Variants in ASTN2 observed in about 807,000 individuals in gnomAD.
ASTN2 encodes the protein astrotactin 2.
A neutral mutation model predicts 139.8 loss-of-function variants in ASTN2; 54 were observed. The observed-to-expected ratio is 0.39, with a 90% confidence interval of 0.31 to 0.48. ASTN2 has a LOEUF of 0.48. ASTN2 is among the 20% of genes least tolerant of loss of function. ASTN2 has a pLI of 0.95. For missense variants in ASTN2, 1,565 were observed against 1,725.1 expected (o/e 0.91, Z 1.64); for synonymous variants, 756 against 719.5 (o/e 1.05, Z -0.81).
In ASTN2 at chr9:116,481,339, C is replaced by T. The variant is rs577798246; in HGVS notation, c.3497+6020G>A. Among the ~76,000 whole-genome samples the T allele has an allele frequency of 6.6e-5, 10 of 152,268 alleles. No homozygotes were observed. In the East Asian group the frequency reaches 1.7e-3, roughly 27 times the overall value. On this transcript the variant is annotated intron_variant, in intron 20 of 22. Transcript: ENST00000313400. ...AGGCTGCAGTGAGCTGTGATTGCAC[C>T]ACTGCCCTCCAGAACCTCAGTGACA...
intron 16 of ASTN2, among the ~76,000 whole-genome samples, chr9:116,711,894 C>G (rs1828173893): frequency 6.6e-6 from 1 of 152,164 alleles, no homozygotes; most frequent in South Asian, 2.1e-4. Context: ...CCTCCTAACT[C>G]TAATCTAGCA....
intron 13 of ASTN2, among the ~76,000 whole-genome samples, chr9:116,772,525 C>T (rs1829981695): frequency 6.6e-6 from 1 of 152,164 alleles, no homozygotes; most frequent in African/African-American, 2.4e-5. Flanking sequence ...CAGAGTAATA[C>T]TGGTGGTCAG....
chr9:117,231,817 C>G (rs1025009942), intron 2 of ASTN2, among the ~76,000 whole-genome samples: 3 of 151,844 alleles, frequency 2.0e-5, no homozygotes, highest in African/African-American at 7.2e-5. Flanking sequence ...TGTTCAAATC[C>G]CATTTCTCAG....
chr9:116,474,787 G>A (rs533658770), intron 20 of ASTN2, among the ~76,000 whole-genome samples: 1 of 152,190 alleles, frequency 6.6e-6, no homozygotes, highest in African/African-American at 2.4e-5. Flanking sequence ...GAAAAATGAA[G>A]TTCTTTGCCC....
chr9:116,618,423 C>T lies in ASTN2; in HGVS notation c.3256G>A (p.Glu1086Lys). 1 of 1,614,176 alleles carries T rather than the reference C, an allele frequency of 6.2e-7. No individual in the cohort carries two copies. Among genetic ancestry groups the T allele is most frequent in the South Asian group, 1.1e-5 (1 of 91,074 alleles). The change falls in exon 19 of 23, where the codon GAG becomes AAG. Residue 1086 changes from glutamate to lysine, a missense_variant. Physicochemically the swap from Glu to Lys is moderately conservative, Grantham distance 56 (BLOSUM62 1). Transcript: ENST00000313400. Reference sequence around the variant, plus strand: ...ATAGCTGGCTGAACATCCACCCACTCCAAGGAGACCACAGTACTGGAGGGC... The same window carrying T: ...ATAGCTGGCTGAACATCCACCCACTTCAAGGAGACCACAGTACTGGAGGGC... The part of the protein sequence containing the change: ...VEPSSTVVSL[E>K]WVDVQPAIGT...
intron 19 of ASTN2, among the ~76,000 whole-genome samples, chr9:116,571,924 T>C (rs1302107639): frequency 6.6e-6 from 1 of 152,170 alleles, no homozygotes; most frequent in Non-Finnish European, 1.5e-5. Context: ...TTGGTATCTG[T>C]GTGTTGCCTT....
chr9:117,003,033 C>A (rs1837236501), intron 7 of ASTN2, among the ~76,000 whole-genome samples: 1 of 152,086 alleles, frequency 6.6e-6, no homozygotes, highest in Admixed American at 6.5e-5. Context: ...AGACATTTTT[C>A]TTTTTCTGTG....
intron 10 of ASTN2, among the ~76,000 whole-genome samples, chr9:116,906,783 A>G (rs1374056371): frequency 6.6e-6 from 1 of 152,142 alleles, no homozygotes; most frequent in Non-Finnish European, 1.5e-5. Context: ...GAATCAGAAT[A>G]TGGAGGGAAA....
intron 10 of ASTN2, among the ~76,000 whole-genome samples, chr9:116,936,461 C>G (rs1835087217): frequency 1.3e-5 from 2 of 152,128 alleles, no homozygotes. Context: ...CACAACAATC[C>G]TATGGGGTAG....
chr9:117,222,154 C>T (rs1054357066), intron 2 of ASTN2, among the ~76,000 whole-genome samples: 10 of 152,150 alleles, frequency 6.6e-5, no homozygotes, highest in East Asian at 3.9e-4. Flanking sequence ...TCTTACTTAC[C>T]GTAACTAAGG....
intron 2 of ASTN2, among the ~76,000 whole-genome samples, chr9:117,228,372 G>A (rs1465306614): frequency 2.0e-5 from 3 of 152,016 alleles, no homozygotes; most frequent in Admixed American, 6.6e-5. Flanking sequence ...CCTATTACAA[G>A]TCACACAATA....
chr9:116,918,061 C>T (rs1834501703), intron 10 of ASTN2, among the ~76,000 whole-genome samples: 1 of 152,186 alleles, frequency 6.6e-6, no homozygotes, highest in African/African-American at 2.4e-5. Context: ...GCTTCTTCCT[C>T]ATTTTCTCTT....
At chr9:116,895,372 T>C (rs1465810711) in intron 10 of ASTN2, among the ~76,000 whole-genome samples, 1 of 152,184 alleles carries the variant, frequency 6.6e-6, no homozygotes, top group Non-Finnish European at 1.5e-5. Flanking sequence ...CTGAAACACT[T>C]CTCTAGTCCC....
intron 22 of ASTN2, among the ~76,000 whole-genome samples, chr9:116,432,248 A>G (rs150054467): frequency 5.0e-4 from 76 of 152,326 alleles, no homozygotes; most frequent in Non-Finnish European, 8.7e-4. Context: ...CATCTTCAGG[A>G]AGTCTTCCAG....
At chr9:116,568,394 A>C (rs765873512) in intron 19 of ASTN2, 1 of 152,198 alleles carries the variant, frequency 6.6e-6, no homozygotes, top group South Asian at 2.1e-4. Context: ...GATGTTAAGT[A>C]GATGAAAGAC....
At chr9:116,747,446 C>T (rs1829273648) in intron 13 of ASTN2, among the ~76,000 whole-genome samples, 1 of 152,170 alleles carries the variant, frequency 6.6e-6, no homozygotes, top group African/African-American at 2.4e-5. Context: ...AAACGTATAT[C>T]ATGTGTTAGG....
chr9:116,490,303 A>AAAAAAAAAAAAAAAAAAAAAAAAAAAAAG (rs1564314423), intron 19 of ASTN2, among the ~76,000 whole-genome samples: 1 of 104,516 alleles, frequency 9.6e-6, no homozygotes, highest in Admixed American at 1.0e-4. Flanking sequence ...AAAAAAAAAA[A>AAAAAAAAAAAAAAAAAAAAAAAAAAAAAG]GGGGGCATTG....
chr9:116,425,551 C>T lies in ASTN2; in HGVS notation c.*300G>A. 1 of 1,612,470 alleles carries T rather than the reference C, an allele frequency of 6.2e-7. No homozygotes were observed. Among genetic ancestry groups the T allele is most frequent in the East Asian group, 2.2e-5 (1 of 44,858 alleles). On this transcript the variant is annotated 3_prime_UTR_variant, in exon 23 of 23. Transcript: ENST00000313400. ...AGGCCGCTTGGTCTCCACCTGAAAA[C>T]TTCTGCCTCGGGATTGACAGCCATC...
chr9:116,844,328 A>C (rs1832359415), intron 11 of ASTN2, among the ~76,000 whole-genome samples: 1 of 152,202 alleles, frequency 6.6e-6, no homozygotes, highest in Admixed American at 6.5e-5. Context: ...TTTCTGGGTC[A>C]CAGTCTGTTT....
Sources: gnomAD v4.1 joint callset for allele counts (sites outside exome capture counted in the v4.1 genomes callset) on GRCh38, gnomAD v4.1.1 for gene constraint, MANE v1.5 for transcripts, NCBI Gene and HGNC (gene_info 2026-07-23, HGNC 2026-07-21) for gene names.